NRXN1: variants seen among roughly 807,000 people sequenced by gnomAD.
NRXN1 encodes neurexin-1.
A neutral mutation model predicts 150.9 loss-of-function variants in NRXN1; 39 were observed. That is an observed-to-expected ratio of 0.26 (90% CI 0.20 to 0.34). NRXN1 has a LOEUF of 0.34. Ranked by LOEUF, NRXN1 falls within the 10% of genes least tolerant of loss-of-function variation. The pLI is 1.00. For missense variants in NRXN1, 1,815 were observed against 1,949.9 expected, an observed-to-expected ratio of 0.93 and a Z score of 1.30; for synonymous variants, 924 against 757.0, an observed-to-expected ratio of 1.22 and a Z score of -3.62.
At chr2:50,372,931 G>A (rs1409573193) in intron 17 of NRXN1, among the ~76,000 whole-genome samples, 1 of 152,006 alleles carries the variant, frequency 6.6e-6, no homozygotes, top group East Asian at 1.9e-4. Flanking sequence ...CCTGCTTCTT[G>A]GGACTCCCAC....
chr2:51,029,482 G>A (rs760972654), intron 1 of NRXN1, among the ~76,000 whole-genome samples: 3 of 152,050 alleles, frequency 2.0e-5, no homozygotes, highest in Admixed American at 1.3e-4. Flanking sequence ...TTTTCTTTTC[G>A]CAAGATAGTT....
intron 21 of NRXN1, chr2:49,945,113 C>G (rs1221149625): frequency 6.6e-6 from 1 of 152,082 alleles, no homozygotes; most frequent in East Asian, 1.9e-4. Flanking sequence ...AAACACAAAC[C>G]TTTAAATAGC....
intron 17 of NRXN1, among the ~76,000 whole-genome samples, chr2:50,409,264 C>A (rs748999944): frequency 6.6e-5 from 10 of 152,168 alleles, no homozygotes; most frequent in Admixed American, 1.3e-4. Context: ...ACCATTTACC[C>A]CACCCTTCGA....
intron 17 of NRXN1, among the ~76,000 whole-genome samples, chr2:50,409,855 C>A (rs779577816): frequency 1.2e-4 from 18 of 152,214 alleles, no homozygotes; most frequent in Middle Eastern, 3.4e-3. Flanking sequence ...GTGGACACAT[C>A]TTTTGTAACT....
chr2:50,829,377 C>T (rs575651428), intron 5 of NRXN1: 1 of 1,056,656 alleles, frequency 9.5e-7, no homozygotes, highest in Non-Finnish European at 1.4e-6. Context: ...ATCCGCCCGC[C>T]TCGGGCTCCC....
chr2:50,853,981 T>C (rs910994814), intron 5 of NRXN1, among the ~76,000 whole-genome samples: 1 of 152,098 alleles, frequency 6.6e-6, no homozygotes, highest in Non-Finnish European at 1.5e-5. Flanking sequence ...ATAATGCTTT[T>C]AATGAAATTT....
chr2:50,349,074 C>T (rs1391883709), intron 17 of NRXN1, among the ~76,000 whole-genome samples: 1 of 152,130 alleles, frequency 6.6e-6, no homozygotes, highest in East Asian at 1.9e-4. Context: ...GACTCTGATG[C>T]CCACTATATA....
chr2:50,062,993 G>T (rs1353616911), intron 19 of NRXN1, among the ~76,000 whole-genome samples: 1 of 152,152 alleles, frequency 6.6e-6, no homozygotes, highest in East Asian at 1.9e-4. Context: ...AACACAAAAG[G>T]ATTCTGAAAG....
intron 8 of NRXN1, among the ~76,000 whole-genome samples, chr2:50,563,040 C>A (rs961658351): frequency 6.6e-6 from 1 of 152,026 alleles, no homozygotes; most frequent in Non-Finnish European, 1.5e-5. Context: ...AAGATATAAT[C>A]AGTTTATTCA....
Position 50,347,332 on chromosome 2 carries a change from A to G in NRXN1, c.3365-110362T>C. The G allele has an allele frequency of 1.6e-6, 2 of 1,247,828 alleles. No individual in the cohort carries two copies. Among genetic ancestry groups the G allele is most frequent in the Non-Finnish European group, 2.1e-6 (2 of 969,756 alleles). The allele number at this position is 1,247,828 out of a possible 1,614,324, so 77.3% of individuals were successfully genotyped here. On this transcript the variant is annotated intron_variant, in intron 17 of 22. Coordinates refer to ENST00000401669, the MANE Select transcript of NRXN1 (RefSeq NM_001330078.2). The surrounding 1 kb of genome is among the most constrained non-coding windows in gnomAD (Gnocchi z 4.9). ...CGGGTGGGGGGCCGAGAAATTGTTT[A>G]AAGCTCCTCCTGGAAGGTCCTCACT...
intron 5 of NRXN1, among the ~76,000 whole-genome samples, chr2:50,691,511 T>C (rs549364730): frequency 6.6e-6 from 1 of 152,322 alleles, no homozygotes; most frequent in Admixed American, 6.5e-5. Flanking sequence ...AATGGTCTTA[T>C]TTTCATCTGT....
intron 18 of NRXN1, among the ~76,000 whole-genome samples, chr2:50,150,258 G>T (rs145943164): frequency 1.9e-3 from 285 of 151,838 alleles, no homozygotes; most frequent in African/African-American, 6.5e-3. Flanking sequence ...ATTTTGGCAT[G>T]CAGTCTTCAT....
chr2:50,678,698 T>C (rs1346050947), intron 5 of NRXN1, among the ~76,000 whole-genome samples: 1 of 152,166 alleles, frequency 6.6e-6, no homozygotes, highest in Non-Finnish European at 1.5e-5. Flanking sequence ...TGTTCGTTGC[T>C]AGTGCAGATA....
At chr2:50,949,142 A>G (rs1215649348) in intron 2 of NRXN1, among the ~76,000 whole-genome samples, 4 of 152,022 alleles carry the variant, frequency 2.6e-5, no homozygotes. Context: ...TACCTTTGTC[A>G]CTATTTTGTC....
chr2:50,313,208 A>G (rs1045210059), intron 17 of NRXN1, among the ~76,000 whole-genome samples: 6 of 152,086 alleles, frequency 3.9e-5, no homozygotes, highest in Non-Finnish European at 8.8e-5. Context: ...CTATTAATCA[A>G]GGATGGTGAA....
Position 50,346,830 on chromosome 2 carries a change from G to A in NRXN1, c.3365-109860C>T. 4 of 1,611,224 alleles carry A rather than the reference G, an allele frequency of 2.5e-6. No homozygotes were observed. The highest frequency in any genetic ancestry group is 2.5e-6 in the Non-Finnish European group (3 of 1,179,266). On this transcript the variant is annotated intron_variant, in intron 17 of 22. Coordinates refer to ENST00000401669, the MANE Select transcript of NRXN1 (RefSeq NM_001330078.2). The surrounding 1 kb of genome is among the most constrained non-coding windows in gnomAD (Gnocchi z 5.0). The stretch of plus-strand genomic sequence containing the variant: ...ACGCCACTCCTAGGAGGCCGCTGAG[G>A]GTGAGCGGGACTATCCAAAGCAGGG...
chr2:49,974,081 A>G, intron 21 of NRXN1: 1 of 717,274 alleles, frequency 1.4e-6, no homozygotes. Context: ...CCATCCTCTG[A>G]AATCAATACT....
chr2:50,830,742 T>C (rs1000709324), intron 5 of NRXN1, among the ~76,000 whole-genome samples: 3 of 150,338 alleles, frequency 2.0e-5, no homozygotes, highest in Admixed American at 1.3e-4. Flanking sequence ...ATAAGAGGTC[T>C]CATTTAATTT....
At chr2:50,105,436 A>G (rs1701503660) in intron 18 of NRXN1, among the ~76,000 whole-genome samples, 1 of 152,084 alleles carries the variant, frequency 6.6e-6, no homozygotes, top group African/African-American at 2.4e-5. Flanking sequence ...TCAGAGAAAT[A>G]GCCAGTGTCT....
Sources: gnomAD v4.1 joint callset for allele counts (sites outside exome capture counted in the v4.1 genomes callset) on GRCh38, gnomAD v4.1.1 for gene constraint, Gnocchi (gnomAD v3.1) non-coding constraint, MANE v1.5 for transcripts, NCBI Gene and HGNC (gene_info 2026-07-23, HGNC 2026-07-21) for gene names.